Variants in EVA1A observed in about 807,000 individuals in gnomAD.
The protein encoded by EVA1A is protein eva-1 homolog A.
In EVA1A, 7 loss-of-function variants were observed where a neutral mutation model predicts 9.8. The ratio of observed to expected loss-of-function variants is 0.71; its 90% CI spans 0.41 to 1.34. EVA1A has a LOEUF of 1.34. EVA1A is among the 40% of genes most tolerant of loss of function. EVA1A has a pLI of 0.01. For synonymous variants in EVA1A, 90 were observed against 85.6 expected (o/e 1.05, Z -0.28); for missense variants, 206 against 205.9 (o/e 1.00, Z 0.00).
intron 3 of EVA1A, among the ~76,000 whole-genome samples, chr2:75,514,455 T>G (rs1371531830): frequency 6.6e-6 from 1 of 152,210 alleles, no homozygotes; most frequent in Admixed American, 6.5e-5. Context: ...GTGTGATAAT[T>G]GTCTACTATA....
intron 3 of EVA1A, among the ~76,000 whole-genome samples, chr2:75,516,715 C>T (rs1006546834): frequency 1.3e-5 from 2 of 152,192 alleles, no homozygotes; most frequent in African/African-American, 4.8e-5. Context: ...CACAGGTATC[C>T]TTTGGGTCTT....
At chr2:75,506,282 A>G (rs1206390547) in intron 3 of EVA1A, among the ~76,000 whole-genome samples, 1 of 152,224 alleles carries the variant, frequency 6.6e-6, no homozygotes, top group Non-Finnish European at 1.5e-5. Flanking sequence ...GATTCTCAGG[A>G]AAGGAATCTC....
At chr2:75,527,860 A>C (rs1675507881) in intron 1 of EVA1A, among the ~76,000 whole-genome samples, 1 of 152,164 alleles carries the variant, frequency 6.6e-6, no homozygotes, top group Admixed American at 6.5e-5. Context: ...GAATTCACAA[A>C]CCCTTTGAAA....
chr2:75,515,200 C>G (rs186813950), intron 3 of EVA1A, among the ~76,000 whole-genome samples: 14 of 152,226 alleles, frequency 9.2e-5, no homozygotes, highest in Admixed American at 8.5e-4. Context: ...TTTAACTCTT[C>G]TTCATTAATG....
intron 1 of EVA1A, among the ~76,000 whole-genome samples, chr2:75,566,042 C>T (rs1293881307): frequency 2.0e-5 from 3 of 152,182 alleles, no homozygotes; most frequent in African/African-American, 7.2e-5. Flanking sequence ...TATTACATTT[C>T]CTGGCAAAGT....
chr2:75,555,336 T>TCCCTCTCC (rs1676672338), intron 1 of EVA1A, among the ~76,000 whole-genome samples: 1 of 102,744 alleles, frequency 9.7e-6, no homozygotes, highest in Non-Finnish European at 2.2e-5. Context: ...TCTCTCTCTC[T>TCCCTCTCC]CCCCCATCTC....
chr2:75,552,787 G>C (rs980279341), intron 1 of EVA1A, among the ~76,000 whole-genome samples: 1 of 152,174 alleles, frequency 6.6e-6, no homozygotes, highest in African/African-American at 2.4e-5. Flanking sequence ...AAGTTACAGG[G>C]AGTGTGGCTG....
At chr2:75,497,794 T>C (rs901165449) in intron 3 of EVA1A, among the ~76,000 whole-genome samples, 8 of 132,240 alleles carry the variant, frequency 6.0e-5, no homozygotes, top group African/African-American at 2.4e-4. Context: ...GAGGCTACAG[T>C]GAGCTGAGAT....
At chr2:75,531,963 T>C (rs1249086461) in intron 1 of EVA1A, among the ~76,000 whole-genome samples, 2 of 151,916 alleles carry the variant, frequency 1.3e-5, no homozygotes, top group African/African-American at 4.8e-5. Flanking sequence ...ATCGCGACCA[T>C]CCTGGCTAAC....
intron 1 of EVA1A, 43 bp downstream of exon 1, chr2:75,560,636 CG>C (rs1202064019): frequency 3.8e-3 from 1 of 266 alleles, no homozygotes; most frequent in Non-Finnish European, 5.0e-3. Context: ...CTGGGGATGC[CG>C]GGCGCCCCCA....
At chr2:75,554,076 G>A (rs921573473) in intron 1 of EVA1A, among the ~76,000 whole-genome samples, 1 of 152,144 alleles carries the variant, frequency 6.6e-6, no homozygotes. Flanking sequence ...GTTTGTGGAG[G>A]TGCCCAGAGA....
intron 1 of EVA1A, among the ~76,000 whole-genome samples, chr2:75,527,481 T>C (rs1675490870): frequency 6.6e-6 from 1 of 152,152 alleles, no homozygotes; most frequent in South Asian, 2.1e-4. Context: ...TCACTACCAG[T>C]GGTTACGAGC....
At chr2:75,512,877 C>T (rs1357738157) in intron 3 of EVA1A, among the ~76,000 whole-genome samples, 1 of 152,088 alleles carries the variant, frequency 6.6e-6, no homozygotes, top group Non-Finnish European at 1.5e-5. Flanking sequence ...GCCAGAAGTC[C>T]CCTTGCAGAG....
intron 3 of EVA1A, among the ~76,000 whole-genome samples, chr2:75,512,073 C>T (rs900374072): frequency 6.6e-6 from 1 of 151,430 alleles, no homozygotes; most frequent in African/African-American, 2.4e-5. Context: ...TTATGGGGTA[C>T]CCAAAGGTGA....
intron 3 of EVA1A, among the ~76,000 whole-genome samples, chr2:75,503,577 ATGCAAG>A (rs1252126719): frequency 3.3e-5 from 5 of 152,316 alleles, no homozygotes; most frequent in African/African-American, 1.2e-4. Flanking sequence ...GCTGGTCTCC[ATGCAAG>A]TGCAACCTTC....
chr2:75,517,789 C>T, intron 3 of EVA1A: 1 of 718,744 alleles, frequency 1.4e-6, no homozygotes, highest in Non-Finnish European at 2.6e-6. Context: ...CCAACAGTAG[C>T]CCTGGGCCAC....
chr2:75,555,897 C>T (rs1034878260), intron 1 of EVA1A, among the ~76,000 whole-genome samples: 9 of 152,234 alleles, frequency 5.9e-5, no homozygotes, highest in Admixed American at 4.6e-4. Context: ...CCCGCTTACA[C>T]GTTAAGGCCA....
intron 1 of EVA1A, among the ~76,000 whole-genome samples, chr2:75,551,923 G>A (rs1676537067): frequency 6.6e-6 from 1 of 152,182 alleles, no homozygotes; most frequent in Admixed American, 6.5e-5. Context: ...GCTCATGCCT[G>A]TAATTCTGGC....
At chr2:75,532,621 G>C (rs940505565) in intron 1 of EVA1A, among the ~76,000 whole-genome samples, 3 of 152,172 alleles carry the variant, frequency 2.0e-5, no homozygotes, top group Non-Finnish European at 4.4e-5. Flanking sequence ...CAGAATCTTA[G>C]GGACCTGTGA....
Sources: gnomAD v4.1 joint callset for allele counts (sites outside exome capture counted in the v4.1 genomes callset) on GRCh38, gnomAD v4.1.1 for gene constraint, MANE v1.5 for transcripts, NCBI Gene and HGNC (gene_info 2026-07-23, HGNC 2026-07-21) for gene names.